OR51B5: variants seen among roughly 807,000 people sequenced by gnomAD.
The protein encoded by OR51B5 is olfactory receptor family 51 subfamily B member 5.
For missense variants in OR51B5, 456 were observed against 374.6 expected, an observed-to-expected ratio of 1.22 and a Z score of -1.79; for synonymous variants, 186 against 144.8, an observed-to-expected ratio of 1.28 and a Z score of -2.04.
chr11:5,442,107 G>A lies in OR51B5; in HGVS notation n.84+63462C>T, dbSNP rs1850697866. Among the ~76,000 whole-genome samples, 4 of 152,136 alleles carry A rather than the reference G, an allele frequency of 2.6e-5. No individual in the cohort carries two copies. In the South Asian group the frequency reaches 8.3e-4, roughly 32 times the overall value. On this transcript the variant is annotated intron_variant and non_coding_transcript_variant, in intron 1 of 4. Coordinates refer to the OR51B5 transcript ENST00000415970. The stretch of plus-strand genomic sequence containing the variant: ...ATTCCCCCATTTTCCTCTGGTCTAT[G>A]AACTCTTCTTCCTCACTTTTCTCCT...
downstream of OR51B5, among the ~76,000 whole-genome samples, chr11:5,342,276 TACCATGAAATAA>T (rs2133676548): frequency 6.6e-6 from 1 of 152,358 alleles, no homozygotes; most frequent in African/African-American, 2.4e-5. Flanking sequence ...GCTAACTTTA[TACCATGAAATAA>T]ACATATGTTA....
In OR51B5 at chr11:5,440,500, T is replaced by C. The variant is rs1484913031; in HGVS notation, n.84+65069A>G. On this transcript the variant is annotated intron_variant and non_coding_transcript_variant, in intron 1 of 4. Coordinates refer to the OR51B5 transcript ENST00000415970. ...TCCTGGGTCCTCTTCATCCTTACTT[T>C]AGCATTCCTTAAGTTGTTAACATGT... The C allele has an allele frequency of 8.6e-6, 9 of 1,047,840 alleles. No individual in the cohort carries two copies. The Admixed American group carries it at 1.9e-4, about 22-fold the overall frequency. 64.9% of individuals were successfully genotyped at this position (1,047,840 alleles called of 1,614,324 possible). A position where few individuals can be genotyped will look rare whatever the true frequency, so the allele number is the denominator to read the frequency against.
intron 1 of OR51B5, among the ~76,000 whole-genome samples, chr11:5,463,641 T>G (rs1268556564): frequency 6.6e-6 from 1 of 152,236 alleles, no homozygotes; most frequent in Non-Finnish European, 1.5e-5. Context: ...AGGTTTTTGT[T>G]TGTTTGTTTA....
intron 1 of OR51B5, among the ~76,000 whole-genome samples, chr11:5,419,289 TAAG>T (rs1850293963): frequency 6.6e-6 from 1 of 152,186 alleles, no homozygotes; most frequent in African/African-American, 2.4e-5. Context: ...TCTCAGGTAA[TAAG>T]GAGTTATCAG....
intron 1 of OR51B5, among the ~76,000 whole-genome samples, chr11:5,409,026 C>T (rs999931735): frequency 2.0e-5 from 3 of 151,976 alleles, no homozygotes; most frequent in African/African-American, 4.8e-5. Flanking sequence ...CTTGGTGGTA[C>T]TAACCTTTTT....
At position 5,418,426 on chromosome 11, in the gene OR51B5, A is replaced by G. The variant is rs559589514; in HGVS notation, n.85-71516T>C. ...ATAATAATAATAAAAACAAAACAAA[A>G]CAAAACAAAAAGAAAAACAAAACAA... On this transcript the variant is annotated intron_variant and non_coding_transcript_variant, in intron 1 of 4. Transcript: ENST00000415970. Among the ~76,000 whole-genome samples, 206 of 150,598 alleles carry G rather than the reference A, an allele frequency of 1.4e-3. 1 individual carries two copies. The highest frequency in any genetic ancestry group is 1.7e-3 in the Non-Finnish European group (116 of 67,088).
At chr11:5,486,571 T>C (rs967381445) in intron 1 of OR51B5, among the ~76,000 whole-genome samples, 4 of 152,202 alleles carry the variant, frequency 2.6e-5, no homozygotes, top group Non-Finnish European at 5.9e-5. Flanking sequence ...CAAGCAGCTC[T>C]TTAGCTTCTA....
At chr11:5,342,701 C>G (rs1434122512) in exon 1 of OR51B5, 39 of 1,613,762 alleles carry the variant, frequency 2.4e-5, no homozygotes, top group Non-Finnish European at 3.2e-5. Context: ...ATAGGCATAG[C>G]TCATAATGAG....
chr11:5,359,409 T>C, intron 1 of OR51B5, among the ~76,000 whole-genome samples: 1 of 133,076 alleles, frequency 7.5e-6, no homozygotes, highest in South Asian at 2.5e-4. Context: ...TCAAAGAGAA[T>C]AAAATACCTA....
Position 5,358,556 on chromosome 11 carries a change from C to A in OR51B5, n.85-11646G>T, listed in dbSNP as rs528595759. Reference sequence around the variant, plus strand: ...CAGATGGAGTCACAGCCAAATTCTACCAGAGGTACAAGGAGGAGCTGGTAC... The same window carrying A: ...CAGATGGAGTCACAGCCAAATTCTAACAGAGGTACAAGGAGGAGCTGGTAC... On this transcript the variant is annotated intron_variant and non_coding_transcript_variant, in intron 1 of 4. Coordinates refer to the OR51B5 transcript ENST00000415970. 7.2e-5 allele frequency among the ~76,000 whole-genome samples: 11 copies of A among 152,290 alleles called. No homozygotes were observed. In the East Asian group the frequency reaches 1.4e-3, roughly 19 times the overall value.
chr11:5,422,830 C>G, intron 1 of OR51B5: 2 of 1,614,132 alleles, frequency 1.2e-6, no homozygotes, highest in Non-Finnish European at 1.7e-6. Flanking sequence ...TCATTATTAT[C>G]GTGGATCCTC....
At chr11:5,371,871 G>A (rs1038902778) in intron 1 of OR51B5, among the ~76,000 whole-genome samples, 1 of 151,896 alleles carries the variant, frequency 6.6e-6, no homozygotes. Context: ...CTATACAGCT[G>A]CAAGTTTATA....
At chr11:5,458,240 C>T (rs192621132) in intron 1 of OR51B5, among the ~76,000 whole-genome samples, 26 of 152,196 alleles carry the variant, frequency 1.7e-4, no homozygotes, top group African/African-American at 5.5e-4. Context: ...TTGCCCACTC[C>T]TTGTTATTGT....
intron 1 of OR51B5, among the ~76,000 whole-genome samples, chr11:5,467,712 G>T (rs1056180737): frequency 6.6e-6 from 1 of 152,182 alleles, no homozygotes; most frequent in African/African-American, 2.4e-5. Flanking sequence ...ATGTGCTTAA[G>T]CTTGTTGTCT....
At chr11:5,430,507 T>C (rs776519168) in intron 1 of OR51B5, 30 of 359,876 alleles carry the variant, frequency 8.3e-5, no homozygotes, top group Non-Finnish European at 1.5e-4. Context: ...GGAATAACTC[T>C]TGCATTTCAG....
chr11:5,416,027 A>G (rs1462842705), intron 1 of OR51B5, among the ~76,000 whole-genome samples: 5 of 147,626 alleles, frequency 3.4e-5, no homozygotes, highest in South Asian at 2.3e-4. Flanking sequence ...AAAATCCTCA[A>G]TAAAATACTG....
intron 1 of OR51B5, chr11:5,489,653 C>CTT: frequency 6.2e-7 from 1 of 1,608,292 alleles, no homozygotes; most frequent in South Asian, 1.1e-5. Flanking sequence ...CTGGGGAAGA[C>CTT]TTCAATATGA....
chr11:5,463,732 T>A (rs767215578), intron 1 of OR51B5, among the ~76,000 whole-genome samples: 21 of 152,264 alleles, frequency 1.4e-4, no homozygotes, highest in Non-Finnish European at 2.6e-4. Context: ...ATCCCAGTGT[T>A]ACATTTGAAG....
In OR51B5 at chr11:5,420,770, A is replaced by T. The variant is rs529552979; in HGVS notation, n.85-73860T>A. Among the ~76,000 whole-genome samples the T allele has an allele frequency of 3.2e-4, 49 of 152,310 alleles. No homozygotes were observed. In the South Asian group the frequency reaches 0.01, roughly 32 times the overall value. On this transcript the variant is annotated intron_variant and non_coding_transcript_variant, in intron 1 of 4. Transcript: ENST00000415970. ...TGAAATTAGTTTTGTGGGAATTGAG[A>T]GATGAACCACCAAATAGCTAACTAT...
Sources: allele counts gnomAD v4.1 joint callset (sites outside exome capture counted in the v4.1 genomes callset), GRCh38; gene constraint gnomAD v4.1.1; transcripts MANE v1.5; gene names NCBI Gene and HGNC (gene_info 2026-07-23, HGNC 2026-07-21).